SPIRE1: variants seen among roughly 807,000 people sequenced by gnomAD.
SPIRE1 encodes spire type actin nucleation factor 1, also known as protein spire homolog 1.
SPIRE1 carries 40 observed loss-of-function variants against 94.1 expected under a neutral mutation model. The observed-to-expected ratio is 0.43, with a 90% CI of 0.33 to 0.55. The LOEUF (loss-of-function observed/expected upper bound fraction) is 0.55, where lower values mean the gene tolerates loss of function less well. Among genes scored for constraint, SPIRE1 ranks in the 20% least tolerant of loss-of-function variants. The pLI, the probability that SPIRE1 is intolerant of heterozygous loss-of-function variation, is 0.06. For missense variants in SPIRE1, 838 were observed against 975.2 expected (o/e 0.86, Z 1.87); for synonymous variants, 376 against 371.7 (o/e 1.01, Z -0.13).
chr18:12,501,083 A>G (rs1598415951), intron 6 of SPIRE1, among the ~76,000 whole-genome samples: 1 of 105,712 alleles, frequency 9.5e-6, no homozygotes, highest in South Asian at 2.3e-4. Flanking sequence ...AAAAAAAAAA[A>G]AAAAAAAAAA....
At chr18:12,536,187 T>C (rs1392274940) in intron 3 of SPIRE1, among the ~76,000 whole-genome samples, 1 of 152,130 alleles carries the variant, frequency 6.6e-6, no homozygotes, top group Non-Finnish European at 1.5e-5. Flanking sequence ...AAAGTTTTGG[T>C]TGGGAACAGA....
At chr18:12,514,934 A>G (rs1054415831) in intron 4 of SPIRE1, among the ~76,000 whole-genome samples, 10 of 152,220 alleles carry the variant, frequency 6.6e-5, no homozygotes, top group African/African-American at 2.4e-4. Flanking sequence ...ACCAGCATCA[A>G]ATAAGCTGGT....
rs1035734438 is a variant in SPIRE1, at chr18:12,496,112, GACAAAAAGC to G, written c.973-19_973-11del. ...GAATATCACCATTCACCTAAAAGGA[GACAAAAAGC>G]AGAAGATTCATGTGACTATATAAGA... On this transcript the variant is annotated splice_polypyrimidine_tract_variant and intron_variant, in intron 6 of 16. Transcript: ENST00000409402. The G allele has an allele frequency of 5.6e-6, 9 of 1,594,106 alleles. No homozygotes were observed. The African/African-American group carries it at 8.1e-5, about 14-fold the overall frequency.
At chr18:12,461,558 C>CGTACATATGTATATACATACATGT (rs2031848791) in intron 12 of SPIRE1, among the ~76,000 whole-genome samples, 3 of 147,990 alleles carry the variant, frequency 2.0e-5, no homozygotes, top group Non-Finnish European at 3.0e-5. Flanking sequence ...TACATACATG[C>CGTACATATGTATATACATACATGT]GTGTATATGT....
At chr18:12,644,578 C>T (rs942025660) in intron 1 of SPIRE1, among the ~76,000 whole-genome samples, 2 of 151,992 alleles carry the variant, frequency 1.3e-5, no homozygotes, top group Non-Finnish European at 2.9e-5. Flanking sequence ...GGTGGTCAAG[C>T]ACTAATTACC....
intron 2 of SPIRE1, among the ~76,000 whole-genome samples, chr18:12,630,308 A>G (rs1183109515): frequency 1.3e-5 from 2 of 152,208 alleles, no homozygotes; most frequent in Admixed American, 6.5e-5. Flanking sequence ...CTTCCCAACC[A>G]GGAATGACAC....
intron 4 of SPIRE1, among the ~76,000 whole-genome samples, chr18:12,520,238 AAAAAG>A (rs1170551632): frequency 6.6e-6 from 1 of 152,230 alleles, no homozygotes; most frequent in Non-Finnish European, 1.5e-5. Context: ...TGCAAAGATA[AAAAAG>A]AAATTAATAA....
At chr18:12,513,780 C>A (rs1048849900) in intron 4 of SPIRE1, among the ~76,000 whole-genome samples, 2 of 152,154 alleles carry the variant, frequency 1.3e-5, no homozygotes, top group African/African-American at 4.8e-5. Flanking sequence ...GCCTCGGCCT[C>A]CCAAAGAGCT....
chr18:12,582,352 A>C (rs987515393), intron 2 of SPIRE1, among the ~76,000 whole-genome samples: 3 of 152,164 alleles, frequency 2.0e-5, no homozygotes, highest in Admixed American at 1.3e-4. Context: ...GAAAAGGAAA[A>C]ATTTAATATT....
intron 2 of SPIRE1, among the ~76,000 whole-genome samples, chr18:12,591,159 C>A (rs1291920667): frequency 6.6e-6 from 1 of 152,288 alleles, no homozygotes; most frequent in Admixed American, 6.5e-5. Flanking sequence ...TTTAGTGTAG[C>A]CTTCACATCA....
chr18:12,606,811 G>A (rs1301517578), intron 2 of SPIRE1, among the ~76,000 whole-genome samples: 8 of 152,190 alleles, frequency 5.3e-5, no homozygotes, highest in African/African-American at 1.9e-4. Flanking sequence ...GATTACAGGT[G>A]TGAGCCATCG....
intron 2 of SPIRE1, among the ~76,000 whole-genome samples, chr18:12,583,923 T>A (rs1245843004): frequency 6.6e-6 from 1 of 151,148 alleles, no homozygotes; most frequent in Non-Finnish European, 1.5e-5. Context: ...AGAGACCTTG[T>A]CTCAAAAAAA....
intron 5 of SPIRE1, among the ~76,000 whole-genome samples, chr18:12,511,711 T>G (rs2087193342): frequency 6.6e-6 from 1 of 152,146 alleles, no homozygotes; most frequent in African/African-American, 2.4e-5. Context: ...ACTACAGTCC[T>G]TAATGACGAG....
rs895443870 is a variant in SPIRE1, at chr18:12,463,569, A to G, written c.1496-76T>C. Reference sequence around the variant, plus strand: ...AAACCTTTTGACATTTGTGACAAACACTGTAATTCAAAGATGAATTATTTA... The same window carrying G: ...AAACCTTTTGACATTTGTGACAAACGCTGTAATTCAAAGATGAATTATTTA... On this transcript the variant is annotated intron_variant, in intron 11 of 16. Coordinates refer to ENST00000409402, the MANE Select transcript of SPIRE1 (RefSeq NM_001128626.2). 5 of 1,174,034 alleles carry G rather than the reference A, an allele frequency of 4.3e-6. No homozygotes were observed. In the African/African-American group the frequency reaches 4.6e-5, roughly 11 times the overall value. 72.7% of individuals were successfully genotyped at this position (1,174,034 alleles called of 1,614,324 possible). A position where few individuals can be genotyped will look rare whatever the true frequency, so the allele number is the denominator to read the frequency against.
At chr18:12,632,075 T>G (rs2037797781) in intron 2 of SPIRE1, among the ~76,000 whole-genome samples, 1 of 151,954 alleles carries the variant, frequency 6.6e-6, no homozygotes. Context: ...TCTCATCTGC[T>G]TCTGCAGTCA....
chr18:12,486,199 C>T (rs1055927159), intron 8 of SPIRE1, among the ~76,000 whole-genome samples, 199 bp from the exon 9 acceptor site: 1 of 152,014 alleles, frequency 6.6e-6, no homozygotes, highest in Non-Finnish European at 1.5e-5. Context: ...ATCACTAAGA[C>T]TTCAAATGGA....
At chr18:12,622,503 A>G (rs1459185941) in intron 2 of SPIRE1, among the ~76,000 whole-genome samples, 1 of 146,282 alleles carries the variant, frequency 6.8e-6, no homozygotes, top group Non-Finnish European at 1.5e-5. Flanking sequence ...GCTCACTGCA[A>G]GCTCCGCCTC....
chr18:12,630,196 A>C (rs1292603877), intron 2 of SPIRE1, among the ~76,000 whole-genome samples: 4 of 152,234 alleles, frequency 2.6e-5, no homozygotes, highest in Non-Finnish European at 5.9e-5. Flanking sequence ...TGACTTGATG[A>C]GGGTCCTAAA....
chr18:12,552,327 T>A (rs1301681349), intron 2 of SPIRE1, among the ~76,000 whole-genome samples: 2 of 152,154 alleles, frequency 1.3e-5, no homozygotes, highest in East Asian at 3.9e-4. Flanking sequence ...AAAAGAGTAC[T>A]TGCACTATCC....
Sources: allele counts gnomAD v4.1 joint callset (sites outside exome capture counted in the v4.1 genomes callset), GRCh38; gene constraint gnomAD v4.1.1; transcripts MANE v1.5; gene names NCBI Gene and HGNC (gene_info 2026-07-23, HGNC 2026-07-21).